Variants in PDXDC1 observed in about 807,000 individuals in gnomAD.
The protein encoded by PDXDC1 is pyridoxal dependent decarboxylase domain containing 1, also known as pyridoxal-dependent decarboxylase domain-containing protein 1.
A neutral mutation model predicts 100.1 loss-of-function variants in PDXDC1; 42 were observed. The ratio of observed to expected loss-of-function variants is 0.42; its 90% CI spans 0.33 to 0.54. PDXDC1 has a LOEUF of 0.54. PDXDC1 is among the 20% of genes least tolerant of loss of function. PDXDC1 has a pLI of 0.10. For missense variants in PDXDC1, 636 were observed against 979.2 expected (o/e 0.65, Z 4.68); for synonymous variants, 260 against 371.7 (o/e 0.70, Z 3.46).
intron 16 of PDXDC1, chr16:15,132,676 C>A (rs1251734571): frequency 4.1e-6 from 3 of 732,190 alleles, no homozygotes; most frequent in Admixed American, 4.0e-5. Flanking sequence ...AACCCAGTAC[C>A]CTGGCAGGCA....
chr16:15,126,886 G>T (rs1355188820), intron 16 of PDXDC1: 1 of 209,638 alleles, frequency 4.8e-6, no homozygotes, highest in Admixed American at 5.3e-5. Flanking sequence ...TCGAACTCCT[G>T]ACCTCAACTG....
intron 1 of PDXDC1, among the ~76,000 whole-genome samples, chr16:14,993,133 A>AT (rs1157908585): frequency 7.2e-5 from 11 of 151,936 alleles, no homozygotes; most frequent in African/African-American, 1.2e-4. Flanking sequence ...TTAAAAAAAA[A>AT]TTTTTTTTTT....
intron 16 of PDXDC1, among the ~76,000 whole-genome samples, chr16:15,117,422 GC>G (rs1455890139): frequency 6.1e-5 from 9 of 147,796 alleles, no homozygotes; most frequent in African/African-American, 2.0e-4. Context: ...GCACTGGGAG[GC>G]CGAGGCAGGC....
intron 16 of PDXDC1, among the ~76,000 whole-genome samples, chr16:15,084,403 C>T (rs2045831633): frequency 6.6e-6 from 1 of 152,082 alleles, no homozygotes; most frequent in Non-Finnish European, 1.5e-5. Context: ...AAGCAAAATT[C>T]CAACCACCAT....
At chr16:15,130,598 C>T in intron 16 of PDXDC1, 2 of 1,334,102 alleles carry the variant, frequency 1.5e-6, no homozygotes, top group Non-Finnish European at 2.1e-6. Flanking sequence ...CCCATGATGC[C>T]CTGCCCTGCC....
At chr16:15,143,633 C>T (rs1471607673), downstream of PDXDC1, among the ~76,000 whole-genome samples, 1 of 152,214 alleles carries the variant, frequency 6.6e-6, no homozygotes, top group Non-Finnish European at 1.5e-5. Context: ...AGTCTTGTGG[C>T]TGGGCCTTCT....
intron 1 of PDXDC1, among the ~76,000 whole-genome samples, chr16:14,987,801 G>A (rs558376730): frequency 6.6e-6 from 1 of 152,388 alleles, no homozygotes; most frequent in South Asian, 2.1e-4. Flanking sequence ...TAGTAGAGAC[G>A]GGGTTTTGCT....
chr16:14,982,343 C>A (rs1462105336), intron 1 of PDXDC1, among the ~76,000 whole-genome samples: 23 of 152,300 alleles, frequency 1.5e-4, no homozygotes, highest in African/African-American at 5.5e-4. Flanking sequence ...GAGGAGACGG[C>A]TGAGCATGGT....
intron 14 of PDXDC1, among the ~76,000 whole-genome samples, chr16:15,028,236 C>T (rs1291204599): frequency 5.3e-5 from 8 of 152,290 alleles, no homozygotes; most frequent in African/African-American, 9.6e-5. Context: ...GCTTAACACT[C>T]GGCGTTCCCT....
At chr16:15,038,510 T>C, downstream of PDXDC1, 1 of 963,658 alleles carries the variant, frequency 1.0e-6, no homozygotes, top group Non-Finnish European at 1.6e-6. Context: ...AAACCCTTTT[T>C]TTCTTACAGA....
chr16:15,044,308 G>A (rs747922051), intron 16 of PDXDC1: 19 of 1,544,006 alleles, frequency 1.2e-5, no homozygotes, highest in Middle Eastern at 1.8e-4. Flanking sequence ...TCCAATTTGG[G>A]GGAAAGAAAA....
rs748028873 is a variant in PDXDC1 at position 15,078,176 on chromosome 16, G to C, written c.1399+48120G>C. On this transcript the variant is annotated intron_variant, in intron 16 of 16. Transcript: ENST00000535621. ...ACTATAAAGAGTACATATACAGTTGGCCAGAGAGGTGCAACTCCAAGTGAG... is the reference window on the plus strand; with the variant it reads ...ACTATAAAGAGTACATATACAGTTGCCCAGAGAGGTGCAACTCCAAGTGAG... Among the ~76,000 whole-genome samples the C allele has an allele frequency of 1.0e-3, 159 of 152,124 alleles. 1 individual carries two copies. Among genetic ancestry groups the C allele is most frequent in the Admixed American group, 1.1e-3 (17 of 15,260 alleles).
chr16:15,003,438 A>C (rs560712612), intron 4 of PDXDC1, among the ~76,000 whole-genome samples: 1 of 152,136 alleles, frequency 6.6e-6, no homozygotes, highest in African/African-American at 2.4e-5. Flanking sequence ...GGATGGTCTC[A>C]ATCTCCTGAC....
chr16:15,092,461 G>C (rs1286237379), intron 16 of PDXDC1: 29 of 1,146,550 alleles, frequency 2.5e-5, no homozygotes, highest in Non-Finnish European at 3.6e-5. Flanking sequence ...AGCAATAGTT[G>C]TATTCTGACC....
At chr16:15,091,544 G>A (rs967141011) in intron 16 of PDXDC1, among the ~76,000 whole-genome samples, 1 of 151,512 alleles carries the variant, frequency 6.6e-6, no homozygotes, top group African/African-American at 2.4e-5. Context: ...ACTCATGTTA[G>A]TGCAGCCAGA....
intron 16 of PDXDC1, among the ~76,000 whole-genome samples, chr16:15,097,869 T>C (rs2046411554): frequency 1.3e-5 from 2 of 149,842 alleles, no homozygotes; most frequent in Admixed American, 6.7e-5. Flanking sequence ...TATTTACTTT[T>C]ATTTGTCTTT....
At chr16:15,004,802 G>A (rs1235426907) in intron 5 of PDXDC1, among the ~76,000 whole-genome samples, 4 of 152,340 alleles carry the variant, frequency 2.6e-5, no homozygotes, top group African/African-American at 4.8e-5. Flanking sequence ...TGTAACTGAG[G>A]CACATCTTCC....
At chr16:15,083,451 C>A in intron 16 of PDXDC1, 6 of 1,599,666 alleles carry the variant, frequency 3.8e-6, no homozygotes, top group Admixed American at 1.8e-5. Flanking sequence ...GACCTAATAT[C>A]ATCTAAAATG....
intron 7 of PDXDC1, 141 bp from the exon 8 acceptor site, chr16:15,009,540 G>A: frequency 1.6e-6 from 2 of 1,253,178 alleles, no homozygotes; most frequent in Non-Finnish European, 2.1e-6. Flanking sequence ...TATGATGAGA[G>A]AAAACAGAAA....
Sources: gnomAD v4.1 joint callset for allele counts (sites outside exome capture counted in the v4.1 genomes callset) on GRCh38, gnomAD v4.1.1 for gene constraint, MANE v1.5 for transcripts, NCBI Gene and HGNC (gene_info 2026-07-23, HGNC 2026-07-21) for gene names.